Variants in SEMA3D observed in about 807,000 individuals in gnomAD.
SEMA3D encodes semaphorin 3D.
In SEMA3D, 84 loss-of-function variants were observed where a neutral mutation model predicts 100.1. That is an observed-to-expected ratio of 0.84 (90% CI 0.70 to 1.01). The LOEUF is 1.01. Ranked by LOEUF, SEMA3D falls within the 50% of genes least tolerant of loss-of-function variation. The probability of loss-of-function intolerance (pLI) is 0.00; values close to 1 mark genes in which losing one functional copy is unlikely to be tolerated. For synonymous variants in SEMA3D, 312 were observed against 320.7 expected, an observed-to-expected ratio of 0.97 and a Z score of 0.29; for missense variants, 875 against 934.1, an observed-to-expected ratio of 0.94 and a Z score of 0.82.
chr7:85,205,039 T>C, the SEMA3D span, among the ~76,000 whole-genome samples: 1 of 152,172 alleles, frequency 6.6e-6, no homozygotes, highest in Non-Finnish European at 1.5e-5. Context: ...AATGATTAGA[T>C]ATTTTAAGCA....
At chr7:85,250,160 A>G in the SEMA3D span, among the ~76,000 whole-genome samples, 2 of 151,914 alleles carry the variant, frequency 1.3e-5, no homozygotes, top group African/African-American at 2.4e-5. Context: ...CTTTTCCGAC[A>G]GGCTTAAAAA....
At chr7:85,165,245 A>T (rs971852527) in intron 1 of SEMA3D, among the ~76,000 whole-genome samples, 3 of 146,204 alleles carry the variant, frequency 2.1e-5, no homozygotes, top group South Asian at 2.2e-4. Flanking sequence ...TATGTAAATT[A>T]AAAAAAGAAA....
chr7:85,045,757 A>C (rs1583866661), intron 9 of SEMA3D, among the ~76,000 whole-genome samples: 2 of 152,080 alleles, frequency 1.3e-5, no homozygotes, highest in African/African-American at 4.8e-5. Flanking sequence ...ATCTGGAATT[A>C]TCAGAAACTA....
Position 85,022,473 on chromosome 7 carries a change from A to G in SEMA3D, c.1332T>C (p.Asn444=), listed in dbSNP as rs35398608. 8.0e-4 allele frequency: 1,296 copies of G among 1,612,584 alleles called. 10 individuals are homozygous for G. In the African/African-American group the frequency reaches 0.016, roughly 19 times the overall value. Residue 444 remains asparagine (N), a synonymous_variant, in exon 13 of 19, where the codon AAT becomes AAC. Transcript: ENST00000284136. The stretch of plus-strand genomic sequence containing the variant: ...CTATCTGTGTCAGTCTGTAATCCAC[A>G]TTGATTCTCTTGAACGTTGGTCCTC... ...VAGGPTFKRI[N]VDYRLTQIVV... is the part of the protein sequence containing the mutation.
intron 3 of SEMA3D, among the ~76,000 whole-genome samples, chr7:85,109,521 C>T (rs1160184323): frequency 1.3e-5 from 2 of 151,854 alleles, no homozygotes; most frequent in Admixed American, 6.6e-5. Flanking sequence ...CTCACTGTGG[C>T]TTTAGTCAAA....
intron 1 of SEMA3D, among the ~76,000 whole-genome samples, chr7:85,168,825 GAAAGAAAGAAAGAAAGA>G (rs1790992941): frequency 4.1e-5 from 1 of 24,102 alleles, no homozygotes; most frequent in African/African-American, 3.3e-4. Flanking sequence ...AAAGATGAAA[GAAAGAAAGAAAGAAAGA>G]AAGAAAGAAA....
the SEMA3D span, among the ~76,000 whole-genome samples, chr7:85,205,512 C>G: frequency 2.0e-5 from 3 of 151,924 alleles, no homozygotes; most frequent in African/African-American, 7.3e-5. Flanking sequence ...TTCTTCTTGA[C>G]CCCACCATTT....
intron 2 of SEMA3D, among the ~76,000 whole-genome samples, chr7:85,138,651 A>T (rs919040741): frequency 7.7e-5 from 7 of 90,346 alleles, no homozygotes; most frequent in African/African-American, 4.3e-4. Flanking sequence ...TATATATTTA[A>T]TTTAATATAT....
intron 2 of SEMA3D, chr7:85,141,522 T>C: frequency 2.0e-6 from 2 of 984,952 alleles, no homozygotes; most frequent in Non-Finnish European, 2.4e-6. Flanking sequence ...CTGCCCTACA[T>C]GAATGACCAC....
At chr7:85,119,446 G>A (rs529978902) in intron 3 of SEMA3D, among the ~76,000 whole-genome samples, 21 of 152,194 alleles carry the variant, frequency 1.4e-4, no homozygotes, top group African/African-American at 4.6e-4. Flanking sequence ...AAAAAAGAAC[G>A]AGATCATGTT....
At position 85,016,414 on chromosome 7, in the gene SEMA3D, C is replaced by T. The variant is rs550597505; in HGVS notation, c.1546-1198G>A. On this transcript the variant is annotated intron_variant, in intron 15 of 18. Coordinates refer to ENST00000284136, the MANE Select transcript of SEMA3D (RefSeq NM_001384900.1). ...CCTCCTGCCCTACCTTGGAGAGTAG[C>T]ACTCTCATCCACCAAGTCATCCAAG... 5.3e-5 allele frequency among the ~76,000 whole-genome samples: 8 copies of T among 151,768 alleles called. No homozygotes were observed. In the East Asian group the frequency reaches 1.6e-3, roughly 30 times the overall value.
chr7:85,150,370 A>ATAT (rs1790340008), intron 2 of SEMA3D, among the ~76,000 whole-genome samples: 15 of 112,742 alleles, frequency 1.3e-4, no homozygotes, highest in African/African-American at 4.0e-4. Flanking sequence ...TATATATATT[A>ATAT]TATATATATA....
chr7:85,008,298 A>T (rs2115757160), intron 17 of SEMA3D, among the ~76,000 whole-genome samples: 1 of 151,966 alleles, frequency 6.6e-6, no homozygotes, highest in South Asian at 2.1e-4. Context: ...TGGTCAATTT[A>T]GTAAAAGATA....
chr7:85,039,637 A>C (rs1270574087), intron 11 of SEMA3D, among the ~76,000 whole-genome samples: 1 of 152,164 alleles, frequency 6.6e-6, no homozygotes, highest in Non-Finnish European at 1.5e-5. Flanking sequence ...AGAAGACAGA[A>C]ATACAGGAGT....
At position 85,058,747 on chromosome 7, in the gene SEMA3D, C is replaced by CAAAA. The variant is rs67267318; in HGVS notation, c.719-2892_719-2889dup. On this transcript the variant is annotated intron_variant, in intron 8 of 18. Coordinates refer to ENST00000284136, the MANE Select transcript of SEMA3D (RefSeq NM_001384900.1). Reference sequence around the variant, plus strand: ...TGGGCGACAGAGCGAGACTCCACTACAAAAAAAAAAAAAAAAAAAAGCAAC... The same window carrying CAAAA: ...TGGGCGACAGAGCGAGACTCCACTACAAAAAAAAAAAAAAAAAAAAAAAAGCAAC... 3.0e-4 allele frequency among the ~76,000 whole-genome samples: 19 copies of CAAAA among 64,260 alleles called. 1 individual carries two copies. Among genetic ancestry groups the CAAAA allele is most frequent in the Non-Finnish European group, 4.0e-4 (13 of 32,196 alleles). 42.2% of individuals were successfully genotyped at this position (64,260 alleles called of 152,430 possible).
At position 85,001,406 on chromosome 7, in the gene SEMA3D, T is replaced by G. The variant is rs150288194; in HGVS notation, c.1909-1541A>C. Among the ~76,000 whole-genome samples the G allele has an allele frequency of 1.5e-4, 23 of 152,332 alleles. No individual in the cohort carries two copies. The East Asian group carries it at 3.3e-3, about 22-fold the overall frequency. On this transcript the variant is annotated intron_variant, in intron 18 of 18. Transcript: ENST00000284136. ...ATTGTAATACAAACTAACTTTGAAT[T>G]AATTTACATTCTCAGAAACCATAGA... is the stretch of plus-strand genomic sequence containing the variant.
chr7:85,013,316 T>C (rs1449169077), intron 16 of SEMA3D, among the ~76,000 whole-genome samples: 1 of 151,774 alleles, frequency 6.6e-6, no homozygotes, highest in East Asian at 1.9e-4. Context: ...TAGATTTAAT[T>C]AAGCAACAAA....
At position 85,040,642 on chromosome 7, in the gene SEMA3D, T is replaced by C; in HGVS notation, c.1046+31A>G. The C allele has an allele frequency of 2.8e-6, 3 of 1,090,788 alleles. No homozygotes were observed. In the East Asian group the frequency reaches 7.1e-5, roughly 26 times the overall value. The allele number at this position is 1,090,788 out of a possible 1,614,324, so 67.6% of individuals were successfully genotyped here. On this transcript the variant is annotated intron_variant, in intron 11 of 18. Transcript: ENST00000284136. ...TGGCTTGCATACATATACAATTCTC[T>C]GAAGCATTAAAAGCATTTTGTTGAA...
rs1436250883 is a variant in SEMA3D, at chr7:85,006,940, G to C, written c.1770C>G (p.Ser590Arg). ...TTTCATCAGCAGTTTCATGACTAAT[G>C]CCTGGAAAGCAAACATGGAATAAGA... ...PITQCWDIEDSISHETADEKV... is the reference protein window; with the variant it reads ...PITQCWDIEDRISHETADEKV... Residue 590 changes from serine to arginine, a missense_variant and splice_region_variant, in exon 18 of 19, where the codon AGC becomes AGG. Transcript: ENST00000284136. 6.2e-7 allele frequency: 1 copy of C among 1,607,892 alleles called. No individual in the cohort carries two copies. Among genetic ancestry groups the C allele is most frequent in the Non-Finnish European group, 8.5e-7 (1 of 1,176,468 alleles).
Sources: gnomAD v4.1 joint callset for allele counts (sites outside exome capture counted in the v4.1 genomes callset) on GRCh38, gnomAD v4.1.1 for gene constraint, MANE v1.5 for transcripts, NCBI Gene and HGNC (gene_info 2026-07-23, HGNC 2026-07-21) for gene names.